DNAI3: variants seen among roughly 807,000 people sequenced by gnomAD.
DNAI3 encodes the protein WD repeat domain 63.
In DNAI3, 83 loss-of-function variants were observed where a neutral mutation model predicts 115.5. The observed-to-expected ratio is 0.72, with a 90% CI of 0.60 to 0.86. DNAI3 has a LOEUF of 0.86. Ranked by LOEUF, DNAI3 falls within the 40% of genes least tolerant of loss-of-function variation. The pLI is 0.00. For missense variants in DNAI3, 1,004 were observed against 1,075.8 expected, an observed-to-expected ratio of 0.93 and a Z score of 0.93; for synonymous variants, 320 against 347.0, an observed-to-expected ratio of 0.92 and a Z score of 0.86.
Position 85,117,705 on chromosome 1 carries a change from C to A in DNAI3, c.1787-24C>A, listed in dbSNP as rs369937740. The A allele has an allele frequency of 3.7e-6, 6 of 1,608,908 alleles. No homozygotes were observed. The Admixed American group carries it at 6.7e-5, about 18-fold the overall frequency. ...GATGTTTCCCTGTAAATATGTACTT[C>A]TTCTACCCACACTCCTCTGAAAGAC... On this transcript the variant is annotated intron_variant, in intron 16 of 22. Transcript: ENST00000294664.
intron 16 of DNAI3, among the ~76,000 whole-genome samples, chr1:85,116,776 T>C (rs1655830730): frequency 6.6e-6 from 1 of 152,150 alleles, no homozygotes. Flanking sequence ...AAAGATCTAG[T>C]TCGATGTTTG....
intron 1 of DNAI3, among the ~76,000 whole-genome samples, chr1:85,067,380 G>A (rs1432587924): frequency 1.3e-5 from 2 of 152,094 alleles, no homozygotes; most frequent in African/African-American, 2.4e-5. Context: ...TTCCAATTTT[G>A]GTGCCTAATT....
chr1:85,075,809 T>C (rs943726385), intron 3 of DNAI3, among the ~76,000 whole-genome samples: 4 of 152,180 alleles, frequency 2.6e-5, no homozygotes, highest in Non-Finnish European at 5.9e-5. Context: ...AAAGTAGGCA[T>C]TATCAAGGCC....
intron 12 of DNAI3, among the ~76,000 whole-genome samples, chr1:85,098,295 A>G (rs1571178775): frequency 6.6e-6 from 1 of 152,212 alleles, no homozygotes; most frequent in Non-Finnish European, 1.5e-5. Flanking sequence ...TTGATTCTTT[A>G]TGGAGTAGGT....
intron 16 of DNAI3, among the ~76,000 whole-genome samples, chr1:85,112,386 C>T (rs527791803): frequency 1.3e-5 from 2 of 152,284 alleles, no homozygotes; most frequent in Admixed American, 6.5e-5. Context: ...ACAAATAAAG[C>T]TTTTATGAAC....
chr1:85,098,785 CA>C, intron 13 of DNAI3, 127 bp downstream of exon 13: 1 of 1,372,324 alleles, frequency 7.3e-7, no homozygotes, highest in Non-Finnish European at 1.0e-6. Flanking sequence ...AACTAAGCAT[CA>C]AAAAATGGGG....
At chr1:85,068,127 CTTT>C (rs10717211) in intron 1 of DNAI3, among the ~76,000 whole-genome samples, 1 of 147,432 alleles carries the variant, frequency 6.8e-6, no homozygotes, top group Non-Finnish European at 1.5e-5. Context: ...ATTAATCTAA[CTTT>C]TTTTTTTTTT....
At chr1:85,110,390 G>A (rs1655618848) in intron 16 of DNAI3, among the ~76,000 whole-genome samples, 1 of 151,726 alleles carries the variant, frequency 6.6e-6, no homozygotes, top group Non-Finnish European at 1.5e-5. Flanking sequence ...GGCAGAGCTT[G>A]CAGTGAGCCG....
At chr1:85,096,113 A>G in intron 11 of DNAI3, 93 bp downstream of exon 11, 3 of 1,176,578 alleles carry the variant, frequency 2.5e-6, no homozygotes, top group Non-Finnish European at 3.7e-6. Flanking sequence ...TAAGGATTCA[A>G]TTCAGCAGAA....
At chr1:85,097,852 A>G (rs1289378001) in intron 12 of DNAI3, among the ~76,000 whole-genome samples, 197 bp downstream of exon 12, 1 of 152,186 alleles carries the variant, frequency 6.6e-6, no homozygotes, top group Non-Finnish European at 1.5e-5. Flanking sequence ...ATTAAAACAC[A>G]ATGAATCAAG....
At chr1:85,094,668 T>A in intron 10 of DNAI3, 113 bp downstream of exon 10, 1 of 1,315,690 alleles carries the variant, frequency 7.6e-7, no homozygotes, top group Non-Finnish European at 1.0e-6. Flanking sequence ...TGTAAACATT[T>A]ATAAAGTTAG....
intron 6 of DNAI3, 24 bp from the exon 7 acceptor site, chr1:85,085,807 C>G (rs1557711345): frequency 3.7e-6 from 6 of 1,608,474 alleles, no homozygotes; most frequent in Non-Finnish European, 5.1e-6. Flanking sequence ...ATTATGTTAC[C>G]TTTACTGTTT....
chr1:85,132,660 T>A (rs943950241), intron 22 of DNAI3, among the ~76,000 whole-genome samples, 195 bp from the exon 23 acceptor site: 4 of 152,060 alleles, frequency 2.6e-5, no homozygotes, highest in African/African-American at 9.7e-5. Context: ...GGGACCATGT[T>A]TCCCCCCACT....
intron 16 of DNAI3, among the ~76,000 whole-genome samples, chr1:85,112,786 T>C (rs1655696748): frequency 1.3e-5 from 2 of 152,256 alleles, no homozygotes. Flanking sequence ...ATTTTTATTT[T>C]TGAGACAGAG....
intron 3 of DNAI3, 145 bp from the exon 4 acceptor site, chr1:85,081,089 T>G (rs979057388): frequency 1.6e-5 from 10 of 626,946 alleles, no homozygotes; most frequent in Non-Finnish European, 2.5e-5. Flanking sequence ...ATAATGGATA[T>G]ATTTACTTTA....
chr1:85,107,402 A>G (rs944384710), intron 14 of DNAI3, among the ~76,000 whole-genome samples: 9 of 152,238 alleles, frequency 5.9e-5, no homozygotes, highest in African/African-American at 2.2e-4. Context: ...ATTCATCAGT[A>G]AGGAGTAACG....
At chr1:85,069,684 C>A (rs1248930799) in intron 1 of DNAI3, among the ~76,000 whole-genome samples, 1 of 151,974 alleles carries the variant, frequency 6.6e-6, no homozygotes, top group African/African-American at 2.4e-5. Flanking sequence ...GCCACATACT[C>A]CAGCCTGGGC....
At chr1:85,085,033 A>G (rs553350852) in intron 6 of DNAI3, among the ~76,000 whole-genome samples, 1 of 152,300 alleles carries the variant, frequency 6.6e-6, no homozygotes, top group East Asian at 1.9e-4. Context: ...TTGTGATAAG[A>G]TGGCCATGGG....
chr1:85,132,836 G>GT lies in DNAI3; in HGVS notation c.2533-14dup, dbSNP rs751014825. The GT allele has an allele frequency of 1.4e-6, 2 of 1,468,094 alleles. No homozygotes were observed. Among genetic ancestry groups the GT allele is most frequent in the Admixed American group, 4.5e-5 (2 of 44,598 alleles). The allele number at this position is 1,468,094 out of a possible 1,614,324, so 90.9% of individuals were successfully genotyped here. On this transcript the variant is annotated intron_variant, in intron 22 of 22. Coordinates refer to ENST00000294664, the MANE Select transcript of DNAI3 (RefSeq NM_145172.5). ...TATCAGTGTTTTATAGGGATGTCTT[G>GT]TTTTTCTTCCCCCCCCAGAAAACAT...
Sources: gnomAD v4.1 joint callset for allele counts (sites outside exome capture counted in the v4.1 genomes callset) on GRCh38, gnomAD v4.1.1 for gene constraint, MANE v1.5 for transcripts, NCBI Gene and HGNC (gene_info 2026-07-23, HGNC 2026-07-21) for gene names.